Variants in SRRT observed in about 807,000 individuals in gnomAD.
The protein encoded by SRRT is serrate, RNA effector molecule.
In SRRT, 32 loss-of-function variants were observed where a neutral mutation model predicts 103.2. That is an observed-to-expected ratio of 0.31 (90% CI 0.23 to 0.42). The LOEUF is 0.42. Among genes scored for constraint, SRRT ranks in the 10% least tolerant of loss-of-function variants. The probability of loss-of-function intolerance (pLI) is 1.00; values close to 1 mark genes in which losing one functional copy is unlikely to be tolerated. For synonymous variants in SRRT, 525 were observed against 449.0 expected (o/e 1.17, Z -2.14); for missense variants, 986 against 1,207.5 (o/e 0.82, Z 2.72).
chr7:100,885,698 C>A lies in SRRT; in HGVS notation c.1318-3C>A. On this transcript the variant is annotated splice_region_variant and splice_polypyrimidine_tract_variant and intron_variant, in intron 10 of 19. Coordinates refer to ENST00000611405, the MANE Select transcript of SRRT (RefSeq NM_015908.6). The surrounding 1 kb of genome is among the most constrained non-coding windows in gnomAD (Gnocchi z 4.8). ...TGTGGGGCTGCTTTTCTGCTTCTTG[C>A]AGCTTTGTAAAAGGTACCCAGGCTT... 2 of 1,608,834 alleles carry A rather than the reference C, an allele frequency of 1.2e-6. No individual in the cohort carries two copies. Among genetic ancestry groups the A allele is most frequent in the South Asian group, 1.1e-5 (1 of 90,496 alleles).
At chr7:100,884,260 G>T (rs1368661325) in intron 6 of SRRT, 21 bp downstream of exon 6, 1 of 1,613,930 alleles carries the variant, frequency 6.2e-7, no homozygotes. Flanking sequence ...TTGGAGGGGT[G>T]GCAGGCATCT....
chr7:100,881,143 G>A (rs914760707), intron 2 of SRRT, 142 bp from the exon 3 acceptor site: 4 of 450,088 alleles, frequency 8.9e-6, no homozygotes, highest in East Asian at 4.5e-5. Context: ...GGCGGGGGGC[G>A]GGGGGGGGTC....
chr7:100,881,172 G>T, intron 2 of SRRT, 113 bp from the exon 3 acceptor site: 1 of 1,203,792 alleles, frequency 8.3e-7, no homozygotes, highest in Non-Finnish European at 1.2e-6. Flanking sequence ...GCCCAGGTTG[G>T]TCTCGAACTC....
intron 2 of SRRT, among the ~76,000 whole-genome samples, chr7:100,880,171 C>CA (rs1463825109): frequency 6.6e-6 from 1 of 152,130 alleles, no homozygotes; most frequent in African/African-American, 2.4e-5. Flanking sequence ...TTAGCAGGAG[C>CA]AGTAATTAGC....
rs1422181258 is a variant in SRRT at position 100,885,454 on chromosome 7, G to C, written c.1317+84G>C. The C allele has an allele frequency of 4.2e-6, 6 of 1,418,058 alleles. No individual in the cohort carries two copies. Among genetic ancestry groups the C allele is most frequent in the African/African-American group, 3.1e-5 (2 of 64,266 alleles). The allele number at this position is 1,418,058 out of a possible 1,614,324, so 87.8% of individuals were successfully genotyped here. ...AGGCAGTGGGGCCCTGCCTGTGACA[G>C]ATGCCCCCGTTTCACCTGCTAGGGA... On this transcript the variant is annotated intron_variant, in intron 10 of 19. Transcript: ENST00000611405. The surrounding 1 kb of genome is among the most constrained non-coding windows in gnomAD (Gnocchi z 4.8).
chr7:100,887,194 G>C lies in SRRT; in HGVS notation c.1969G>C (p.Gly657Arg). 8 of 1,614,130 alleles carry C rather than the reference G, an allele frequency of 5.0e-6. No homozygotes were observed. The highest frequency in any genetic ancestry group is 6.8e-6 in the Non-Finnish European group (8 of 1,180,006). ...GPMPPNRISHGEVLEWQKTFE... is the reference protein window; with the variant it reads ...GPMPPNRISHREVLEWQKTFE... ...CATGCCACCCAACCGCATCAGTCAC[G>C]GGGAAGGTGAGCTCCAGGTTCCCCT... is the stretch of plus-strand genomic sequence containing the variant. Residue 657 changes from glycine (G) to arginine (R), a missense_variant, in exon 15 of 20, where the codon GGG becomes CGG. Around this residue, in one of 6 missense-constraint regions of SRRT, gnomAD observed 349 missense variants for 446.9 expected, o/e 0.78. Transcript: ENST00000611405. The surrounding 1 kb of genome is among the most constrained non-coding windows in gnomAD (Gnocchi z 4.1).
chr7:100,885,114 G>C lies in SRRT; in HGVS notation c.1159+74G>C. 6.2e-7 allele frequency: 1 copy of C among 1,604,168 alleles called. No individual in the cohort carries two copies. Among genetic ancestry groups the C allele is most frequent in the Non-Finnish European group, 8.5e-7 (1 of 1,174,010 alleles). On this transcript the variant is annotated intron_variant, in intron 9 of 19. Coordinates refer to ENST00000611405, the MANE Select transcript of SRRT (RefSeq NM_015908.6). This position sits in a 1 kb window ranked among gnomAD's most constrained non-coding sequence, Gnocchi z 4.8. ...GAGGTGAGAGGTTGGCGACATTGACGGGAGGGTGGGTGGCTTTTAGGGGAA... is the reference window on the plus strand; with the variant it reads ...GAGGTGAGAGGTTGGCGACATTGACCGGAGGGTGGGTGGCTTTTAGGGGAA...
Position 100,885,246 on chromosome 7 carries a change from AAGAAGAATGGG to A in SRRT, c.1199_1209del (p.Glu400AlafsTer16), listed in dbSNP as rs766251041. On this transcript the variant is annotated frameshift_variant, in exon 10 of 20. Transcript: ENST00000611405. LOFTEE classifies it high-confidence loss of function. The surrounding 1 kb of genome is among the most constrained non-coding windows in gnomAD (Gnocchi z 4.8). ...CTCAAGGAGAAGGAGAAGCCCAAGG[AAGAAGAATGGG>A]AGAAGCCCAAGGACGCCGCGGGGCT... The A allele has an allele frequency of 1.9e-6, 3 of 1,613,956 alleles. No homozygotes were observed. Among genetic ancestry groups the A allele is most frequent in the African/African-American group, 2.7e-5 (2 of 74,918 alleles).
Position 100,875,299 on chromosome 7 carries a change from C to G in SRRT, c.-48C>G. The G allele has an allele frequency of 9.9e-7, 1 of 1,011,460 alleles. No individual in the cohort carries two copies. Among genetic ancestry groups the G allele is most frequent in the African/African-American group, 1.7e-5 (1 of 59,436 alleles). The allele number at this position is 1,011,460 out of a possible 1,614,324, so 62.7% of individuals were successfully genotyped here. On this transcript the variant is annotated 5_prime_UTR_variant, in exon 1 of 20. Coordinates refer to ENST00000611405, the MANE Select transcript of SRRT (RefSeq NM_015908.6). ...CGCCCTGAAATCTAGCCCGTCCGAG[C>G]GCGAGTCCAACGGCCGCGGCCGCAC...
At position 100,875,969 on chromosome 7, in the gene SRRT, G is replaced by A. The variant is rs544832829; in HGVS notation, c.122+257G>A. ...AGCACTGTTTATACATGCACGAAAA[G>A]CGTGCTTTTTTGCTTTTTTTTGTTT... On this transcript the variant is annotated intron_variant, in intron 2 of 19. Transcript: ENST00000611405. 1.9e-3 allele frequency: 776 copies of A among 418,418 alleles called. 16 individuals are homozygous for A. Among genetic ancestry groups the A allele is most frequent in the South Asian group, 0.018 (757 of 42,490 alleles). The allele number at this position is 418,418 out of a possible 1,614,324, so 25.9% of individuals were successfully genotyped here. A position where few individuals can be genotyped will look rare whatever the true frequency, so the allele number is the denominator to read the frequency against.
Position 100,884,808 on chromosome 7 carries a change from G to A in SRRT, c.1011G>A (p.Lys337=), listed in dbSNP as rs1272387246. The change falls in exon 8 of 20, where the codon AAG becomes AAA. Residue 337 remains lysine (K), a synonymous_variant. Coordinates refer to ENST00000611405, the MANE Select transcript of SRRT (RefSeq NM_015908.6). ...AGGGTGATGGGGACAAGGAAGAGAA[G>A]AAAGAAGACTCCGAGAAGGAAGCCA... ...KSEGDGDKEE[K]KEDSEKEAKK... The A allele has an allele frequency of 1.2e-6, 2 of 1,613,988 alleles. No individual in the cohort carries two copies. The highest frequency in any genetic ancestry group is 1.1e-5 in the South Asian group (1 of 91,084).
intron 4 of SRRT, 114 bp from the exon 5 acceptor site, chr7:100,881,939 G>A: frequency 6.8e-7 from 1 of 1,473,988 alleles, no homozygotes; most frequent in Non-Finnish European, 9.1e-7. Context: ...GTAGCTGTTG[G>A]GGTTTGGGGT....
chr7:100,875,682 A>G lies in SRRT; in HGVS notation c.92A>G (p.Glu31Gly). 1 of 1,614,106 alleles carries G rather than the reference A, an allele frequency of 6.2e-7. No homozygotes were observed. The highest frequency in any genetic ancestry group is 8.5e-7 in the Non-Finnish European group (1 of 1,179,962). Residue 31 changes from glutamate to glycine, a missense_variant, in exon 2 of 20, where the codon GAA becomes GGA. Physicochemically the swap from Glu to Gly is moderately conservative, Grantham distance 98. This residue lies in a region of SRRT where 274 missense variants were observed against 358.5 expected (regional missense o/e 0.76). Coordinates refer to ENST00000611405, the MANE Select transcript of SRRT (RefSeq NM_015908.6). ...SDYDRSRERD[E>G]RRRGDDWNDR... ...TACGACCGTTCCCGCGAGAGAGATG[A>G]AAGACGTCGAGGGGACGATTGGAAT...
chr7:100,885,169 T>G lies in SRRT; in HGVS notation c.1160-44T>G. On this transcript the variant is annotated intron_variant, in intron 9 of 19. Coordinates refer to ENST00000611405, the MANE Select transcript of SRRT (RefSeq NM_015908.6). The surrounding 1 kb of genome is among the most constrained non-coding windows in gnomAD (Gnocchi z 4.8). ...TCTGTATCCTCCCCACCACAATCAG[T>G]AATAAAAATGCACCAACTCCTTCCT... is the stretch of plus-strand genomic sequence containing the variant. The G allele has an allele frequency of 6.2e-7, 1 of 1,605,274 alleles. No homozygotes were observed.
At chr7:100,881,021 C>T (rs981502787) in intron 2 of SRRT, among the ~76,000 whole-genome samples, 1 of 151,828 alleles carries the variant, frequency 6.6e-6, no homozygotes, top group Admixed American at 6.6e-5. Flanking sequence ...GCTTTTTAGT[C>T]TGGTATCTCA....
At chr7:100,884,640 TG>T in intron 7 of SRRT, 88 bp downstream of exon 7, 1 of 898,420 alleles carries the variant, frequency 1.1e-6, no homozygotes. Context: ...AGTAGGGGGC[TG>T]GGGAAAATGA....
In SRRT at chr7:100,881,741, C is replaced by A; in HGVS notation, c.334C>A (p.Pro112Thr). Reference protein sequence around the residue: ...GGGGGPTYGPPQPWGHPDVHI... With the variant: ...GGGGGPTYGPTQPWGHPDVHI... ...GGGTGGGGGCCCAACTTATGGCCCC[C>A]CTCAGCCCTGGGGCCACCCTGACGT... The change falls in exon 4 of 20, where the codon CCT (proline) becomes ACT (threonine). Residue 112 changes from proline (P) to threonine (T), a missense_variant. This residue lies in a region of SRRT where 274 missense variants were observed against 358.5 expected (regional missense o/e 0.76). Transcript: ENST00000611405. 2 of 1,613,972 alleles carry A rather than the reference C, an allele frequency of 1.2e-6. No homozygotes were observed. Among genetic ancestry groups the A allele is most frequent in the East Asian group, 2.2e-5 (1 of 44,874 alleles).
chr7:100,883,812 T>C (rs899351438), intron 5 of SRRT, among the ~76,000 whole-genome samples: 1 of 152,226 alleles, frequency 6.6e-6, no homozygotes, highest in African/African-American at 2.4e-5. Context: ...GGCGTCCCCC[T>C]GTAGTCATTG....
At chr7:100,886,579 C>A (rs1377117651) in intron 13 of SRRT, 144 bp downstream of exon 13, 1 of 987,528 alleles carries the variant, frequency 1.0e-6, no homozygotes, top group Non-Finnish European at 1.5e-6. Context: ...TGGGTAGCAG[C>A]ACCTCCAGAT....
Sources: gnomAD v4.1 joint callset for allele counts (sites outside exome capture counted in the v4.1 genomes callset) on GRCh38, gnomAD v4.1.1 for gene constraint, gnomAD v4.1.1 regional missense constraint, Gnocchi (gnomAD v3.1) non-coding constraint, MANE v1.5 for transcripts, NCBI Gene and HGNC (gene_info 2026-07-23, HGNC 2026-07-21) for gene names.